The following OXSR1 variants were observed in gnomAD, a reference collection of about 807,000 sequenced individuals.
OXSR1 encodes oxidative stress responsive kinase 1.
In OXSR1, 24 loss-of-function variants were observed where a neutral mutation model predicts 79.8. The observed-to-expected ratio is 0.30, with a 90% confidence interval of 0.22 to 0.42. The LOEUF is 0.42. Among genes scored for constraint, OXSR1 ranks in the 10% least tolerant of loss-of-function variants. OXSR1 has a pLI of 1.00. For synonymous variants in OXSR1, 226 were observed against 209.2 expected (o/e 1.08, Z -0.69); for missense variants, 430 against 618.4 (o/e 0.70, Z 3.23).
intron 1 of OXSR1, among the ~76,000 whole-genome samples, chr3:38,172,408 T>C (rs1034415909): frequency 6.6e-5 from 10 of 152,204 alleles, no homozygotes. Context: ...TTTATTGCCC[T>C]GCATCTTGAA....
rs201769107 is a variant in OXSR1, at chr3:38,249,939, T to C, written c.1323-27T>C. ...CTTTGCATAAATTTAGAAATTCTTA[T>C]TTTATGCATTCTGCTTTCTTTCATA... is the stretch of plus-strand genomic sequence containing the variant. On this transcript the variant is annotated intron_variant, in intron 14 of 17. Transcript: ENST00000311806. The C allele has an allele frequency of 4.3e-4, 581 of 1,339,316 alleles. 4 individuals carry two copies. In the Middle Eastern group the frequency reaches 9.1e-3, roughly 21 times the overall value. The allele number at this position is 1,339,316 out of a possible 1,614,324, so 83.0% of individuals were successfully genotyped here. A position where few individuals can be genotyped will look rare whatever the true frequency, so the allele number is the denominator to read the frequency against.
intron 1 of OXSR1, among the ~76,000 whole-genome samples, chr3:38,180,181 G>A (rs953763076): frequency 6.6e-6 from 1 of 152,098 alleles, no homozygotes; most frequent in Non-Finnish European, 1.5e-5. Context: ...GGTTTCAAGT[G>A]ATCCACCAGC....
intron 1 of OXSR1, among the ~76,000 whole-genome samples, chr3:38,167,986 G>C (rs57305168): frequency 6.6e-6 from 1 of 151,572 alleles, no homozygotes; most frequent in East Asian, 1.9e-4. Context: ...AGGTGGCAGA[G>C]AATTTCAGAG....
In OXSR1 at chr3:38,247,773, A is replaced by G. The variant is rs191961346; in HGVS notation, c.1322+41A>G. 2.4e-3 allele frequency: 3,101 copies of G among 1,314,712 alleles called. 37 individuals are homozygous for G. Among genetic ancestry groups the G allele is most frequent in the Non-Finnish European group, 9.5e-4 (862 of 912,050 alleles). 81.4% of individuals were successfully genotyped at this position (1,314,712 alleles called of 1,614,324 possible). A position where few individuals can be genotyped will look rare whatever the true frequency, so the allele number is the denominator to read the frequency against. On this transcript the variant is annotated intron_variant, in intron 14 of 17. Transcript: ENST00000311806. ...TTGTTTTGTTTTCTTTTGTTTTCTG[A>G]ATATTCTGCATGTGCTGTAATAGTC...
At chr3:38,178,618 ATATTTTTTT>A (rs1701720051) in intron 1 of OXSR1, among the ~76,000 whole-genome samples, 2 of 86,728 alleles carry the variant, frequency 2.3e-5, no homozygotes, top group African/African-American at 1.1e-4. Context: ...ATATATATAT[ATATTTTTTT>A]TTTTTTTTTT....
At chr3:38,244,673 G>GCT (rs1703104706) in intron 12 of OXSR1, among the ~76,000 whole-genome samples, 2 of 151,906 alleles carry the variant, frequency 1.3e-5, no homozygotes, top group Non-Finnish European at 2.9e-5. Context: ...GTGTGCGTGC[G>GCT]CATGTACCAC....
intron 4 of OXSR1, among the ~76,000 whole-genome samples, chr3:38,202,750 A>G (rs1434454717): frequency 6.6e-6 from 1 of 152,250 alleles, no homozygotes; most frequent in Non-Finnish European, 1.5e-5. Context: ...ACTTAGGAAT[A>G]ACCAGTGGGT....
intron 2 of OXSR1, among the ~76,000 whole-genome samples, chr3:38,185,051 C>T (rs1701858330): frequency 6.7e-6 from 1 of 149,072 alleles, no homozygotes; most frequent in South Asian, 2.1e-4. Context: ...TCAAGCAATT[C>T]TCCTACCATT....
rs184917095 is a variant in OXSR1 at position 38,200,410 on chromosome 3, A to G, written c.434+1547A>G. 2.0e-5 allele frequency among the ~76,000 whole-genome samples: 3 copies of G among 152,358 alleles called. No homozygotes were observed. The East Asian group carries it at 5.8e-4, about 29-fold the overall frequency. On this transcript the variant is annotated intron_variant, in intron 4 of 17. Coordinates refer to ENST00000311806, the MANE Select transcript of OXSR1 (RefSeq NM_005109.3). Reference sequence around the variant, plus strand: ...TATGATGTTGAAAAACTCAGGAAACATAATGCCATGTTGTCCTTCAAGTTC... The same window carrying G: ...TATGATGTTGAAAAACTCAGGAAACGTAATGCCATGTTGTCCTTCAAGTTC...
chr3:38,235,711 G>A (rs1453259053), intron 10 of OXSR1, among the ~76,000 whole-genome samples: 1 of 152,180 alleles, frequency 6.6e-6, no homozygotes, highest in Non-Finnish European at 1.5e-5. Context: ...AGCACTTCTG[G>A]AAGCCAAACA....
chr3:38,242,778 G>A lies in OXSR1; in HGVS notation c.1110G>A (p.Glu370=). The change falls in exon 12 of 18, where the codon GAG becomes GAA. Residue 370 remains glutamate (E), a splice_region_variant and synonymous_variant. Coordinates refer to ENST00000311806, the MANE Select transcript of OXSR1 (RefSeq NM_005109.3). ...PRVKESISNS[E]LFPTTDPVGT... Reference sequence around the variant, plus strand: ...TGAAAGAATCAATATCAAATTCTGAGGTAAGTAATTGTGATTATTGAATCC... The same window carrying A: ...TGAAAGAATCAATATCAAATTCTGAAGTAAGTAATTGTGATTATTGAATCC... 6.5e-7 allele frequency: 1 copy of A among 1,527,800 alleles called. No homozygotes were observed. Among genetic ancestry groups the A allele is most frequent in the Admixed American group, 1.8e-5 (1 of 55,638 alleles). 94.6% of individuals were successfully genotyped at this position (1,527,800 alleles called of 1,614,324 possible). A position where few individuals can be genotyped will look rare whatever the true frequency, so the allele number is the denominator to read the frequency against.
At position 38,238,509 on chromosome 3, in the gene OXSR1, G is replaced by A. The variant is rs560978999; in HGVS notation, c.1074+1548G>A. ...AAAAACTTTCCTTAATATTTTTTGT[G>A]TTGTAAGTCTTTTGGTGATGATTTT... On this transcript the variant is annotated intron_variant, in intron 11 of 17. Coordinates refer to ENST00000311806, the MANE Select transcript of OXSR1 (RefSeq NM_005109.3). Among the ~76,000 whole-genome samples, 17 of 151,896 alleles carry A rather than the reference G, an allele frequency of 1.1e-4. No homozygotes were observed. In the South Asian group the frequency reaches 3.5e-3, roughly 32 times the overall value.
chr3:38,178,310 T>TTG (rs1306176425), intron 1 of OXSR1, among the ~76,000 whole-genome samples: 2 of 152,194 alleles, frequency 1.3e-5, no homozygotes, highest in African/African-American at 4.8e-5. Context: ...CATGTTGGTG[T>TTG]TGTATGTATG....
At chr3:38,203,057 C>G (rs541635760) in intron 4 of OXSR1, among the ~76,000 whole-genome samples, 2 of 152,350 alleles carry the variant, frequency 1.3e-5, no homozygotes, top group East Asian at 3.9e-4. Context: ...TGGTCACGCT[C>G]CTTGTCCACT....
chr3:38,237,811 C>A (rs1702949981), intron 11 of OXSR1, among the ~76,000 whole-genome samples: 1 of 152,128 alleles, frequency 6.6e-6, no homozygotes, highest in Admixed American at 6.6e-5. Context: ...CGTTTACATA[C>A]AATTGTGAGT....
intron 1 of OXSR1, among the ~76,000 whole-genome samples, chr3:38,181,354 G>GTTT (rs1201344941): frequency 2.0e-4 from 26 of 128,138 alleles, no homozygotes; most frequent in East Asian, 4.4e-4. Context: ...TGTTTCAAAA[G>GTTT]TTTTTTTTTT....
At chr3:38,168,545 C>T (rs1701512681) in intron 1 of OXSR1, among the ~76,000 whole-genome samples, 1 of 152,100 alleles carries the variant, frequency 6.6e-6, no homozygotes, top group Non-Finnish European at 1.5e-5. Context: ...ATAAGATTTA[C>T]CTGATTAAAA....
intron 10 of OXSR1, 152 bp from the exon 11 acceptor site, chr3:38,236,687 G>A: frequency 1.6e-6 from 1 of 610,040 alleles, no homozygotes; most frequent in South Asian, 3.1e-5. Context: ...AGCAGGTGAT[G>A]GTTGGAGGAT....
At chr3:38,237,864 CCTTA>C (rs1702951261) in intron 11 of OXSR1, among the ~76,000 whole-genome samples, 2 of 152,164 alleles carry the variant, frequency 1.3e-5, no homozygotes, top group Non-Finnish European at 2.9e-5. Flanking sequence ...ATCCTTTCTT[CCTTA>C]CTTTTTCATG....
Sources: allele counts gnomAD v4.1 joint callset (sites outside exome capture counted in the v4.1 genomes callset), GRCh38; gene constraint gnomAD v4.1.1; transcripts MANE v1.5; gene names NCBI Gene and HGNC (gene_info 2026-07-23, HGNC 2026-07-21).